SP100: variants seen among roughly 807,000 people sequenced by gnomAD.
SP100 encodes SP100 nuclear body protein.
In SP100, 84 loss-of-function variants were observed where a neutral mutation model predicts 130.0. The observed-to-expected ratio is 0.65, with a 90% CI of 0.54 to 0.77. SP100 has a LOEUF of 0.77. Ranked by LOEUF, SP100 falls within the 30% of genes least tolerant of loss-of-function variation. The pLI is 0.00. For missense variants in SP100, 978 were observed against 1,052.2 expected, an observed-to-expected ratio of 0.93 and a Z score of 0.97; for synonymous variants, 331 against 351.7, an observed-to-expected ratio of 0.94 and a Z score of 0.66.
At chr2:230,522,910 G>A in intron 24 of SP100, among the ~76,000 whole-genome samples, 1 of 151,870 alleles carries the variant, frequency 6.6e-6, no homozygotes, top group East Asian at 1.9e-4. Flanking sequence ...CATTTCCTAG[G>A]TTCAAGTGAT....
At chr2:230,459,377 T>G (rs1250393568) in intron 8 of SP100, among the ~76,000 whole-genome samples, 1 of 152,090 alleles carries the variant, frequency 6.6e-6, no homozygotes, top group East Asian at 1.9e-4. Flanking sequence ...CTTATCAAAA[T>G]GGCCCCTGTG....
In SP100 at chr2:230,539,553, G is replaced by C. The variant is rs529203692; in HGVS notation, c.2210+171G>C. ...AAGTATTATCCAGAGCTGTTGAACA[G>C]TGCTGGTAGCAGCAGATTAATGGGA... is the stretch of plus-strand genomic sequence containing the variant. On this transcript the variant is annotated intron_variant, in intron 25 of 28. Transcript: ENST00000340126. Among the ~76,000 whole-genome samples, 30 of 152,348 alleles carry C rather than the reference G, an allele frequency of 2.0e-4. 1 individual carries two copies. The South Asian group carries it at 6.2e-3, about 32-fold the overall frequency.
At chr2:230,418,750 T>G (rs2062686723) in intron 2 of SP100, among the ~76,000 whole-genome samples, 2 of 152,296 alleles carry the variant, frequency 1.3e-5, no homozygotes, top group African/African-American at 4.8e-5. Context: ...AGTGCTACCC[T>G]TTTTGGGAGT....
At chr2:230,421,106 T>A (rs1320342486) in intron 2 of SP100, among the ~76,000 whole-genome samples, 1 of 152,148 alleles carries the variant, frequency 6.6e-6, no homozygotes, top group African/African-American at 2.4e-5. Flanking sequence ...ATGATTACAT[T>A]TCCTTTCCTG....
In SP100 at chr2:230,541,333, T is replaced by C. The variant is rs1409087198; in HGVS notation, c.2364T>C (p.Cys788=). ...KCEFLLLKVY[C]DSKSCFFASE... The stretch of plus-strand genomic sequence containing the variant: ...AATTCCTCCTCTTGAAGGTCTACTG[T>C]GATTCGAAAAGCTGCTTTTTCGCCT... Residue 788 remains cysteine, a synonymous_variant, in exon 27 of 29, where the codon TGT becomes TGC. Transcript: ENST00000340126. 2 of 1,614,160 alleles carry C rather than the reference T, an allele frequency of 1.2e-6. No individual in the cohort carries two copies. Among genetic ancestry groups the C allele is most frequent in the Admixed American group, 1.7e-5 (1 of 60,022 alleles).
chr2:230,416,229 G>A lies in SP100; in HGVS notation c.-68G>A, dbSNP rs1354282313. 27 of 1,362,362 alleles carry A rather than the reference G, an allele frequency of 2.0e-5. No individual in the cohort carries two copies. Among genetic ancestry groups the A allele is most frequent in the Admixed American group, 1.8e-4 (10 of 54,908 alleles). The allele number at this position is 1,362,362 out of a possible 1,614,324, so 84.4% of individuals were successfully genotyped here. ...TGGGGCCTGGGCAGCCACACTGCAC[G>A]CAGGCTGGGCCGACTGAGGGGCTCA... On this transcript the variant is annotated 5_prime_UTR_variant, in exon 1 of 29. Transcript: ENST00000340126.
intron 2 of SP100, chr2:230,440,447 T>A (rs896145292): frequency 8.7e-6 from 7 of 806,760 alleles, no homozygotes; most frequent in South Asian, 5.4e-5. Context: ...TTTTTAAATT[T>A]AATTAAATTA....
intron 10 of SP100, chr2:230,463,794 A>G (rs927741923): frequency 4.5e-6 from 1 of 223,624 alleles, no homozygotes; most frequent in Non-Finnish European, 8.9e-6. Flanking sequence ...AAACAAAGGA[A>G]ATGTGGAATG....
intron 17 of SP100, among the ~76,000 whole-genome samples, chr2:230,475,026 T>A (rs1165559960): frequency 6.6e-6 from 1 of 151,834 alleles, no homozygotes; most frequent in Non-Finnish European, 1.5e-5. Flanking sequence ...ATAGAACAAG[T>A]TATTTTCCTT....
At chr2:230,418,441 T>A (rs897804388) in intron 2 of SP100, among the ~76,000 whole-genome samples, 4 of 152,206 alleles carry the variant, frequency 2.6e-5, no homozygotes, top group Non-Finnish European at 4.4e-5. Flanking sequence ...GATATTCTCC[T>A]TGTTGTCTCT....
chr2:230,519,829 A>T (rs1393271055), intron 24 of SP100, among the ~76,000 whole-genome samples: 1 of 152,158 alleles, frequency 6.6e-6, no homozygotes. Flanking sequence ...GGCATTTTCA[A>T]AAGATCCCCA....
intron 2 of SP100, among the ~76,000 whole-genome samples, chr2:230,431,088 G>A (rs1180500593): frequency 6.6e-6 from 1 of 152,230 alleles, no homozygotes; most frequent in Non-Finnish European, 1.5e-5. Flanking sequence ...CCACCAGCTT[G>A]CCTCTGCAGG....
intron 23 of SP100, 44 bp downstream of exon 23, chr2:230,508,075 T>C: frequency 6.8e-6 from 11 of 1,609,302 alleles, no homozygotes; most frequent in Non-Finnish European, 9.3e-6. Context: ...TCTATTATGT[T>C]GTTGATTTTC....
chr2:230,456,130 C>T (rs762757770), intron 8 of SP100, among the ~76,000 whole-genome samples: 23 of 152,054 alleles, frequency 1.5e-4, no homozygotes, highest in African/African-American at 1.9e-4. Flanking sequence ...TTTCCCGGGA[C>T]GGTCTTTATC....
chr2:230,501,407 C>A (rs2067015137), intron 19 of SP100, among the ~76,000 whole-genome samples: 1 of 152,156 alleles, frequency 6.6e-6, no homozygotes, highest in Non-Finnish European at 1.5e-5. Flanking sequence ...CATGCTTTTT[C>A]TCAGGATATG....
intron 2 of SP100, among the ~76,000 whole-genome samples, chr2:230,420,735 C>CATAT (rs35528929): frequency 1.9e-4 from 29 of 150,280 alleles, no homozygotes; most frequent in Non-Finnish European, 3.4e-4. Context: ...CAAAGTAAAA[C>CATAT]ATATATATAT....
At chr2:230,497,205 G>A (rs747990573) in intron 18 of SP100, among the ~76,000 whole-genome samples, 1 of 152,020 alleles carries the variant, frequency 6.6e-6, no homozygotes, top group East Asian at 1.9e-4. Context: ...AGTAGAGCTC[G>A]AGTAAACGGA....
chr2:230,456,385 G>A (rs1478359903), intron 8 of SP100, among the ~76,000 whole-genome samples: 1 of 152,124 alleles, frequency 6.6e-6, no homozygotes, highest in East Asian at 1.9e-4. Context: ...GTATGTTTTG[G>A]TGTAGTCGTG....
Position 230,474,394 on chromosome 2 carries a change from A to G in SP100, c.1547A>G (p.Asp516Gly). 1 of 1,524,092 alleles carries G rather than the reference A, an allele frequency of 6.6e-7. No individual in the cohort carries two copies. Among genetic ancestry groups the G allele is most frequent in the Non-Finnish European group, 9.0e-7 (1 of 1,106,240 alleles). The allele number at this position is 1,524,092 out of a possible 1,614,324, so 94.4% of individuals were successfully genotyped here. The change falls in exon 17 of 29, where the codon GAT (aspartate) becomes GGT (glycine). Residue 516 changes from aspartate to glycine, a missense_variant and splice_region_variant. Physicochemically the swap from Asp to Gly is moderately conservative, Grantham distance 94. Coordinates refer to ENST00000340126, the MANE Select transcript of SP100 (RefSeq NM_001080391.2). Reference protein sequence around the residue: ...TESSQASDMMDTMDVENNSTL... With the variant: ...TESSQASDMMGTMDVENNSTL... ...CTGACCACTACCTGTCACTTTCTAG[A>G]TACCATGGATGTTGAAAACAATTCT...
Sources: allele counts gnomAD v4.1 joint callset (sites outside exome capture counted in the v4.1 genomes callset), GRCh38; gene constraint gnomAD v4.1.1; transcripts MANE v1.5; gene names NCBI Gene and HGNC (gene_info 2026-07-23, HGNC 2026-07-21).